The following EBF3 variants were observed in gnomAD, a reference collection of about 807,000 sequenced individuals.
The protein encoded by EBF3 is transcription factor COE3.
EBF3 carries 18 observed loss-of-function variants against 77.1 expected under a neutral mutation model. The observed-to-expected ratio is 0.23, with a 90% CI of 0.16 to 0.35. The LOEUF (loss-of-function observed/expected upper bound fraction) is 0.35. EBF3 is among the 10% of genes least tolerant of loss of function. The probability of loss-of-function intolerance (pLI) is 1.00; values close to 1 mark genes in which losing one functional copy is unlikely to be tolerated. For synonymous variants in EBF3, 350 were observed against 343.5 expected, an observed-to-expected ratio of 1.02 and a Z score of -0.21; for missense variants, 558 against 860.0, an observed-to-expected ratio of 0.65 and a Z score of 4.39.
At chr10:129,928,153 G>A (rs1856793431) in intron 6 of EBF3, among the ~76,000 whole-genome samples, 1 of 152,194 alleles carries the variant, frequency 6.6e-6, no homozygotes, top group Admixed American at 6.5e-5. Flanking sequence ...AACGACTCAG[G>A]CAGAAACCTG....
At chr10:129,942,566 A>G (rs116018164) in intron 6 of EBF3, among the ~76,000 whole-genome samples, 43 of 152,312 alleles carry the variant, frequency 2.8e-4, no homozygotes, top group African/African-American at 9.9e-4. Context: ...AAACCCAAAC[A>G]GCAAAGCAGA....
chr10:129,909,243 A>G (rs1855350985), intron 6 of EBF3, among the ~76,000 whole-genome samples: 2 of 152,218 alleles, frequency 1.3e-5, no homozygotes, highest in Admixed American at 1.3e-4. Flanking sequence ...GGCCCTCTGC[A>G]TGGGTCTCTC....
chr10:129,918,710 T>G (rs2134340590), intron 6 of EBF3, among the ~76,000 whole-genome samples: 1 of 152,350 alleles, frequency 6.6e-6, no homozygotes. Context: ...CAGATGCGCC[T>G]ACACATCTGT....
chr10:129,959,674 G>C (rs532332722), intron 4 of EBF3, among the ~76,000 whole-genome samples: 182 of 151,990 alleles, frequency 1.2e-3, no homozygotes, highest in Middle Eastern at 6.8e-3. Flanking sequence ...CCGAGCTCCC[G>C]GGGCCTCCCT....
intron 8 of EBF3, among the ~76,000 whole-genome samples, chr10:129,872,869 C>T (rs1852497089): frequency 6.6e-6 from 1 of 152,180 alleles, no homozygotes; most frequent in African/African-American, 2.4e-5. Context: ...CTACCTACCA[C>T]CCTTATGGAA....
intron 6 of EBF3, among the ~76,000 whole-genome samples, chr10:129,910,982 C>T (rs754474229): frequency 2.0e-5 from 3 of 152,200 alleles, no homozygotes; most frequent in Non-Finnish European, 2.9e-5. Flanking sequence ...GAGCTCAGCG[C>T]GGAGGCTCCG....
At chr10:129,872,949 A>G (rs1350708944) in intron 8 of EBF3, among the ~76,000 whole-genome samples, 3 of 152,054 alleles carry the variant, frequency 2.0e-5, no homozygotes, top group Admixed American at 2.0e-4. Flanking sequence ...AAAAAAACGT[A>G]TGCTGGTTGG....
chr10:129,945,942 G>A (rs997117112), intron 6 of EBF3, among the ~76,000 whole-genome samples: 3 of 151,562 alleles, frequency 2.0e-5, no homozygotes, highest in Admixed American at 1.3e-4. Context: ...AGTGGAGGCC[G>A]CTGACAAATA....
rs1218302282 is a variant in EBF3, at chr10:129,870,571, TG to T, written c.782-2660del. Among the ~76,000 whole-genome samples, 1 of 152,090 alleles carries T rather than the reference TG, an allele frequency of 6.6e-6. No homozygotes were observed. The highest frequency in any genetic ancestry group is 2.4e-5 in the African/African-American group (1 of 41,420). On this transcript the variant is annotated intron_variant, in intron 8 of 16. Coordinates refer to ENST00000440978, the MANE Select transcript of EBF3 (RefSeq NM_001375380.1). This position sits in a 1 kb window ranked among gnomAD's most constrained non-coding sequence, Gnocchi z 4.4. ...CCTGCGGATCTGACATGCGCCACCA[TG>T]ACCTGTTTTTAACTCTGAGGATCCT...
rs7895906 is a variant in EBF3, at chr10:129,843,042, C to A, written c.1194+95G>T. 4.0e-6 allele frequency: 5 copies of A among 1,252,048 alleles called. No homozygotes were observed. In the Admixed American group the frequency reaches 1.0e-4, roughly 25 times the overall value. 77.6% of individuals were successfully genotyped at this position (1,252,048 alleles called of 1,614,324 possible). A position where few individuals can be genotyped will look rare whatever the true frequency, so the allele number is the denominator to read the frequency against. On this transcript the variant is annotated intron_variant, in intron 12 of 16. Coordinates refer to ENST00000440978, the MANE Select transcript of EBF3 (RefSeq NM_001375380.1). ...CCTGTGGAGTCGCTGGAAAAGCATG[C>A]TTATGTCCAGAAAGCCCACACTGGA...
Position 129,944,615 on chromosome 10 carries a change from G to T in EBF3, c.554+12643C>A, listed in dbSNP as rs1482828341. On this transcript the variant is annotated intron_variant, in intron 6 of 16. Transcript: ENST00000440978. The surrounding 1 kb of genome is among the most constrained non-coding windows in gnomAD (Gnocchi z 5.1). The stretch of plus-strand genomic sequence containing the variant: ...GCAGCGTTTGGGGAGCATTTTCTTA[G>T]TGGAAGCTGGAGCGCCCCTCACACC... Among the ~76,000 whole-genome samples the T allele has an allele frequency of 6.6e-6, 1 of 152,258 alleles. No homozygotes were observed. Among genetic ancestry groups the T allele is most frequent in the East Asian group, 1.9e-4 (1 of 5,172 alleles).
At chr10:129,926,414 G>A (rs1414559665) in intron 6 of EBF3, among the ~76,000 whole-genome samples, 1 of 152,170 alleles carries the variant, frequency 6.6e-6, no homozygotes, top group Non-Finnish European at 1.5e-5. Flanking sequence ...GAGGCTTCAA[G>A]GTGTGGCTGG....
chr10:129,854,461 CA>C (rs902625511), intron 10 of EBF3, among the ~76,000 whole-genome samples: 17 of 150,806 alleles, frequency 1.1e-4, no homozygotes, highest in African/African-American at 4.2e-4. Flanking sequence ...TTTTGTCCGA[CA>C]AAAAAATTAA....
At chr10:129,894,561 G>T (rs1452545390) in intron 6 of EBF3, among the ~76,000 whole-genome samples, 1 of 152,164 alleles carries the variant, frequency 6.6e-6, no homozygotes, top group Non-Finnish European at 1.5e-5. Flanking sequence ...CTCCTCCTCA[G>T]ACCGAGCTGG....
chr10:129,939,076 C>G (rs534410305), intron 6 of EBF3, among the ~76,000 whole-genome samples: 61 of 152,358 alleles, frequency 4.0e-4, no homozygotes, highest in African/African-American at 1.5e-3. Flanking sequence ...CATTACATTT[C>G]AGAAGCAAAC....
Position 129,964,165 on chromosome 10 carries a change from C to T in EBF3, c.-397G>A, listed in dbSNP as rs1859754512. Reference sequence around the variant, plus strand: ...CTGCTCCAAAGACAAATAAACGGGGCAGTGAGTGCTGCGGCGCAGTCCCGG... The same window carrying T: ...CTGCTCCAAAGACAAATAAACGGGGTAGTGAGTGCTGCGGCGCAGTCCCGG... On this transcript the variant is annotated 5_prime_UTR_variant, in exon 1 of 17. Coordinates refer to ENST00000440978, the MANE Select transcript of EBF3 (RefSeq NM_001375380.1). This position sits in a 1 kb window ranked among gnomAD's most constrained non-coding sequence, Gnocchi z 4.5. 2.0e-6 allele frequency: 2 copies of T among 984,928 alleles called. No individual in the cohort carries two copies. Among genetic ancestry groups the T allele is most frequent in the Non-Finnish European group, 2.4e-6 (2 of 829,782 alleles). 61.0% of individuals were successfully genotyped at this position (984,928 alleles called of 1,614,324 possible).
intron 6 of EBF3, among the ~76,000 whole-genome samples, chr10:129,928,914 T>C (rs1371876070): frequency 2.0e-5 from 3 of 152,208 alleles, no homozygotes; most frequent in Non-Finnish European, 2.9e-5. Flanking sequence ...TATCTTTCAT[T>C]CATTTGATAA....
Position 129,849,113 on chromosome 10 carries a change from C to T in EBF3, c.1040-633G>A, listed in dbSNP as rs548591367. On this transcript the variant is annotated intron_variant, in intron 10 of 16. Coordinates refer to ENST00000440978, the MANE Select transcript of EBF3 (RefSeq NM_001375380.1). ...ATTGTAATTTTGACTATGAACTGTGCGCGGCCATAAATCAGCGGCACATGC... is the reference window on the plus strand; with the variant it reads ...ATTGTAATTTTGACTATGAACTGTGTGCGGCCATAAATCAGCGGCACATGC... 3.1e-4 allele frequency among the ~76,000 whole-genome samples: 47 copies of T among 152,296 alleles called. No homozygotes were observed. In the South Asian group the frequency reaches 5.6e-3, roughly 18 times the overall value.
chr10:129,848,893 C>A lies in EBF3; in HGVS notation c.1040-413G>T, dbSNP rs1850657153. Reference sequence around the variant, plus strand: ...CAGCTATTGCTAGCCTCAGATTTATCCCTGTGGTCCTTTTTTGTCTAGCAT... The same window carrying A: ...CAGCTATTGCTAGCCTCAGATTTATACCTGTGGTCCTTTTTTGTCTAGCAT... On this transcript the variant is annotated intron_variant, in intron 10 of 16. Coordinates refer to ENST00000440978, the MANE Select transcript of EBF3 (RefSeq NM_001375380.1). This position sits in a 1 kb window ranked among gnomAD's most constrained non-coding sequence, Gnocchi z 4.4. Among the ~76,000 whole-genome samples the A allele has an allele frequency of 6.6e-6, 1 of 152,168 alleles. No homozygotes were observed. The highest frequency in any genetic ancestry group is 1.5e-5 in the Non-Finnish European group (1 of 68,034).
Sources: gnomAD v4.1 joint callset for allele counts (sites outside exome capture counted in the v4.1 genomes callset) on GRCh38, gnomAD v4.1.1 for gene constraint, Gnocchi (gnomAD v3.1) non-coding constraint, MANE v1.5 for transcripts, NCBI Gene and HGNC (gene_info 2026-07-23, HGNC 2026-07-21) for gene names.